Variants in FRAS1 observed in about 807,000 individuals in gnomAD.
FRAS1 encodes the protein extracellular matrix organizing protein FRAS1.
In FRAS1, 290 loss-of-function variants were observed where a neutral mutation model predicts 435.2. That is an observed-to-expected ratio of 0.67 (90% CI 0.61 to 0.73). The LOEUF (loss-of-function observed/expected upper bound fraction) is 0.73, where lower values mean the gene tolerates loss of function less well. Among genes scored for constraint, FRAS1 ranks in the 30% least tolerant of loss-of-function variants. The probability of loss-of-function intolerance (pLI) is 0.00; values close to 1 mark genes in which losing one functional copy is unlikely to be tolerated. For missense variants in FRAS1, 4,860 were observed against 5,001.5 expected (o/e 0.97, Z 0.85); for synonymous variants, 1,800 against 1,851.0 (o/e 0.97, Z 0.71).
At chr4:78,295,950 A>C (rs1467556392) in intron 14 of FRAS1, among the ~76,000 whole-genome samples, 5 of 151,676 alleles carry the variant, frequency 3.3e-5, no homozygotes, top group South Asian at 4.2e-4. Context: ...ACAGGATTTC[A>C]CCATGTTGGC....
At chr4:78,433,690 T>C (rs1734299728) in intron 38 of FRAS1, among the ~76,000 whole-genome samples, 1 of 152,218 alleles carries the variant, frequency 6.6e-6, no homozygotes, top group African/African-American at 2.4e-5. Context: ...TTTTTGTTTT[T>C]AATTGACAGG....
intron 26 of FRAS1, among the ~76,000 whole-genome samples, chr4:78,376,728 C>T (rs987558479): frequency 2.6e-5 from 4 of 152,238 alleles, no homozygotes; most frequent in Admixed American, 6.5e-5. Flanking sequence ...TGGTGGCTCA[C>T]GCCTGTAATC....
At chr4:78,363,485 C>T (rs1578274829) in intron 20 of FRAS1, 28 bp from the exon 21 acceptor site, 1 of 1,589,804 alleles carries the variant, frequency 6.3e-7, no homozygotes. Context: ...GCACCCGTGC[C>T]TTCTCTGTGC....
At chr4:78,368,002 A>AT (rs547011204) in intron 22 of FRAS1, among the ~76,000 whole-genome samples, 1 of 152,308 alleles carries the variant, frequency 6.6e-6, no homozygotes, top group South Asian at 2.1e-4. Flanking sequence ...TGCTGATCAT[A>AT]TTTTGAGTAT....
intron 33 of FRAS1, 131 bp downstream of exon 33, chr4:78,419,194 T>C (rs768656772): frequency 2.0e-5 from 11 of 552,016 alleles, no homozygotes; most frequent in Non-Finnish European, 2.8e-5. Context: ...GAATAATGAT[T>C]ATTCATATTT....
chr4:78,457,026 G>T (rs1028504924), intron 47 of FRAS1, among the ~76,000 whole-genome samples: 2 of 151,912 alleles, frequency 1.3e-5, no homozygotes, highest in Non-Finnish European at 2.9e-5. Context: ...CTTCAAGGAG[G>T]CCTACCTCGT....
intron 24 of FRAS1, among the ~76,000 whole-genome samples, chr4:78,373,380 C>A (rs576873079): frequency 6.6e-6 from 1 of 151,362 alleles, no homozygotes; most frequent in East Asian, 1.9e-4. Context: ...TCCTGGGGGA[C>A]TGAAAACTGA....
At chr4:78,309,003 T>C (rs1177208318) in intron 15 of FRAS1, among the ~76,000 whole-genome samples, 1 of 152,216 alleles carries the variant, frequency 6.6e-6, no homozygotes, top group African/African-American at 2.4e-5. Flanking sequence ...GATATTATCC[T>C]GGATTATCTG....
At chr4:78,194,268 A>T (rs990819260) in intron 2 of FRAS1, among the ~76,000 whole-genome samples, 2 of 152,070 alleles carry the variant, frequency 1.3e-5, no homozygotes, top group African/African-American at 2.4e-5. Context: ...GCTCTTCTCG[A>T]GGAATATCTT....
At position 78,482,522 on chromosome 4, in the gene FRAS1, C is replaced by T. The variant is rs748845262; in HGVS notation, c.8739C>T (p.Asp2913=). The change falls in exon 58 of 74, where the codon GAC becomes GAT. Residue 2913 remains aspartate, a synonymous_variant. Coordinates refer to ENST00000512123, the MANE Select transcript of FRAS1 (RefSeq NM_025074.7). The part of the protein sequence containing the change: ...KPFQAVIAIN[D]TFQDVPSMQF... ...TCCAGGCAGTCATTGCAATTAATGA[C>T]ACATTCCAAGATGGTAAGAGATTGG... The T allele has an allele frequency of 1.2e-6, 2 of 1,613,760 alleles. No individual in the cohort carries two copies. Among genetic ancestry groups the T allele is most frequent in the South Asian group, 2.2e-5 (2 of 90,988 alleles).
chr4:78,291,693 A>G (rs541253900), intron 14 of FRAS1, among the ~76,000 whole-genome samples: 1 of 152,292 alleles, frequency 6.6e-6, no homozygotes, highest in Admixed American at 6.5e-5. Context: ...TATAAAGTAA[A>G]TAAGATTCAG....
At chr4:78,513,688 A>G (rs1721111528) in intron 65 of FRAS1, 136 bp downstream of exon 65, 3 of 764,746 alleles carry the variant, frequency 3.9e-6, no homozygotes, top group Non-Finnish European at 4.3e-6. Flanking sequence ...TCCTTCTAGC[A>G]CACATGCAAA....
intron 64 of FRAS1, among the ~76,000 whole-genome samples, 163 bp from the exon 65 acceptor site, chr4:78,513,229 T>C (rs1003047093): frequency 5.3e-5 from 8 of 152,202 alleles, no homozygotes; most frequent in African/African-American, 1.7e-4. Context: ...TATGTGTATA[T>C]GTATACCCCC....
intron 12 of FRAS1, 87 bp from the exon 13 acceptor site, chr4:78,284,318 A>G: frequency 1.4e-6 from 2 of 1,380,744 alleles, no homozygotes; most frequent in Non-Finnish European, 2.0e-6. Context: ...GTAATGCTAC[A>G]TACTTTGTAG....
intron 10 of FRAS1, 118 bp downstream of exon 10, chr4:78,278,862 C>T (rs149185386): frequency 1.2e-4 from 84 of 672,138 alleles, no homozygotes; most frequent in South Asian, 4.9e-4. Context: ...TGTTATTGTG[C>T]ACCTACTGTA....
intron 38 of FRAS1, 67 bp downstream of exon 38, chr4:78,432,671 C>A: frequency 6.8e-7 from 1 of 1,480,488 alleles, no homozygotes. Flanking sequence ...GACTGGGCAG[C>A]AATGCCATGG....
chr4:78,244,117 GT>G (rs1725130659), intron 3 of FRAS1, among the ~76,000 whole-genome samples: 2 of 152,032 alleles, frequency 1.3e-5, no homozygotes, highest in Admixed American at 1.3e-4. Context: ...GTATTTATCT[GT>G]TTAGTGGGTT....
intron 2 of FRAS1, among the ~76,000 whole-genome samples, chr4:78,194,605 T>A (rs1722713388): frequency 6.6e-6 from 1 of 152,210 alleles, no homozygotes; most frequent in African/African-American, 2.4e-5. Flanking sequence ...TTTCTTGTGC[T>A]TTGGTTTTCA....
chr4:78,283,658 T>G (rs545852320), intron 12 of FRAS1, among the ~76,000 whole-genome samples: 19 of 152,376 alleles, frequency 1.2e-4, no homozygotes, highest in Admixed American at 4.6e-4. Flanking sequence ...ATATTGGCAG[T>G]TGCTCTTGTT....
Sources: allele counts gnomAD v4.1 joint callset (sites outside exome capture counted in the v4.1 genomes callset), GRCh38; gene constraint gnomAD v4.1.1; transcripts MANE v1.5; gene names NCBI Gene and HGNC (gene_info 2026-07-23, HGNC 2026-07-21).